Variants in PSMD7 observed in about 807,000 individuals in gnomAD.
The protein encoded by PSMD7 is 26S proteasome non-ATPase regulatory subunit 7.
In PSMD7, 13 loss-of-function variants were observed where a neutral mutation model predicts 36.4. That is an observed-to-expected ratio of 0.36 (90% CI 0.23 to 0.57). The LOEUF (loss-of-function observed/expected upper bound fraction) is 0.57. PSMD7 is among the 20% of genes least tolerant of loss of function. PSMD7 has a pLI of 0.83. For synonymous variants in PSMD7, 186 were observed against 151.0 expected, an observed-to-expected ratio of 1.23 and a Z score of -1.70; for missense variants, 298 against 393.6, an observed-to-expected ratio of 0.76 and a Z score of 2.06.
chr16:74,297,247 C>T (rs2034120662), intron 1 of PSMD7, among the ~76,000 whole-genome samples: 1 of 152,252 alleles, frequency 6.6e-6, no homozygotes, highest in South Asian at 2.1e-4. Context: ...GTTCCCTTTC[C>T]GAGTTCGTTT....
chr16:74,304,430 C>G (rs771431581), intron 6 of PSMD7, 36 bp downstream of exon 6: 17 of 1,562,024 alleles, frequency 1.1e-5, no homozygotes, highest in Non-Finnish European at 1.8e-6. Flanking sequence ...TCATTCACTG[C>G]CCGAGAGGTC....
In PSMD7 at chr16:74,296,827, C is replaced by G; in HGVS notation, c.-88C>G. ...GGCTGACGAACCGGAAGAAGAGGAA[C>G]TGGGCCTGAAAGGGTACCGGTGACC... On this transcript the variant is annotated 5_prime_UTR_variant, in exon 1 of 7. Coordinates refer to ENST00000219313, the MANE Select transcript of PSMD7 (RefSeq NM_002811.5). 2 of 1,404,764 alleles carry G rather than the reference C, an allele frequency of 1.4e-6. No individual in the cohort carries two copies. Among genetic ancestry groups the G allele is most frequent in the South Asian group, 1.2e-5 (1 of 82,870 alleles). The allele number at this position is 1,404,764 out of a possible 1,614,324, so 87.0% of individuals were successfully genotyped here.
chr16:74,305,869 C>T lies in PSMD7; in HGVS notation c.*136C>T. 9.6e-7 allele frequency: 1 copy of T among 1,042,320 alleles called. No individual in the cohort carries two copies. The allele number at this position is 1,042,320 out of a possible 1,614,324, so 64.6% of individuals were successfully genotyped here. On this transcript the variant is annotated 3_prime_UTR_variant, in exon 7 of 7. Coordinates refer to ENST00000219313, the MANE Select transcript of PSMD7 (RefSeq NM_002811.5). The stretch of plus-strand genomic sequence containing the variant: ...AACAAGAGCTCTCTGCCTCCGGTCA[C>T]TCTTGCTGTGGTGCTACGTGGAAGT...
Position 74,302,343 on chromosome 16 carries a change from G to A in PSMD7, c.438+51G>A, listed in dbSNP as rs377541249. The A allele has an allele frequency of 5.7e-6, 8 of 1,403,640 alleles. No individual in the cohort carries two copies. The African/African-American group carries it at 1.0e-4, about 18-fold the overall frequency. 86.9% of individuals were successfully genotyped at this position (1,403,640 alleles called of 1,614,324 possible). On this transcript the variant is annotated intron_variant, in intron 5 of 6. Transcript: ENST00000219313. ...GAGGTTAGACTGCTACTTATTGGGT[G>A]ATTAGCTTTTTTTTTTCAATTTTCA...
intron 5 of PSMD7, among the ~76,000 whole-genome samples, chr16:74,302,551 C>T (rs926841366): frequency 1.3e-5 from 2 of 152,090 alleles, no homozygotes; most frequent in African/African-American, 4.8e-5. Flanking sequence ...GAGTTGAAGA[C>T]CAGCCTGGGC....
Position 74,305,847 on chromosome 16 carries a change from A to G in PSMD7, c.*114A>G. The G allele has an allele frequency of 8.2e-7, 1 of 1,216,934 alleles. No individual in the cohort carries two copies. 75.4% of individuals were successfully genotyped at this position (1,216,934 alleles called of 1,614,324 possible). A position where few individuals can be genotyped will look rare whatever the true frequency, so the allele number is the denominator to read the frequency against. ...ATGCTTATTAGAAAGCTGACCCAAC[A>G]AGAGCTCTCTGCCTCCGGTCACTCT... On this transcript the variant is annotated 3_prime_UTR_variant, in exon 7 of 7. Coordinates refer to ENST00000219313, the MANE Select transcript of PSMD7 (RefSeq NM_002811.5).
intron 2 of PSMD7, among the ~76,000 whole-genome samples, chr16:74,300,682 T>A (rs1381249508): frequency 6.6e-6 from 1 of 152,256 alleles, no homozygotes; most frequent in East Asian, 1.9e-4. Flanking sequence ...GGATGACCTC[T>A]GGAGTAGAGA....
chr16:74,298,768 G>A (rs1003646215), intron 1 of PSMD7, among the ~76,000 whole-genome samples: 1 of 152,172 alleles, frequency 6.6e-6, no homozygotes, highest in Non-Finnish European at 1.5e-5. Flanking sequence ...CAGCTACTCG[G>A]GAGGCTGAAG....
Position 74,305,778 on chromosome 16 carries a change from C to G in PSMD7, c.*45C>G. The G allele has an allele frequency of 7.1e-7, 1 of 1,407,658 alleles. No individual in the cohort carries two copies. The highest frequency in any genetic ancestry group is 2.6e-5 in the East Asian group (1 of 39,212). The allele number at this position is 1,407,658 out of a possible 1,614,324, so 87.2% of individuals were successfully genotyped here. ...TTTTAATTTGTAAATTAAAATCTTA[C>G]AAACTAAATCAGTGTGCTGCTAGAG... On this transcript the variant is annotated 3_prime_UTR_variant, in exon 7 of 7. Transcript: ENST00000219313.
chr16:74,302,371 T>G, intron 5 of PSMD7, 79 bp downstream of exon 5: 1 of 1,167,804 alleles, frequency 8.6e-7, no homozygotes, highest in Non-Finnish European at 1.2e-6. Context: ...AATTTTCAGG[T>G]CAACAAATCC....
chr16:74,303,631 CCAAGAGACAAAA>C (rs2034173075), intron 5 of PSMD7, among the ~76,000 whole-genome samples: 1 of 151,890 alleles, frequency 6.6e-6, no homozygotes, highest in Non-Finnish European at 1.5e-5. Context: ...ATCGTTTGAT[CCAAGAGACAAAA>C]AAGGGCTAAA....
intron 2 of PSMD7, among the ~76,000 whole-genome samples, chr16:74,300,789 ATG>A: frequency 6.6e-6 from 1 of 152,308 alleles, no homozygotes; most frequent in African/African-American, 2.4e-5. Flanking sequence ...ACTGAAAAGC[ATG>A]TGTCTTTTTT....
intron 3 of PSMD7, 137 bp from the exon 4 acceptor site, chr16:74,301,418 T>G: frequency 1.5e-6 from 1 of 666,292 alleles, no homozygotes; most frequent in Middle Eastern, 3.8e-4. Flanking sequence ...CATTAGAGTT[T>G]TAGTACCACC....
At chr16:74,298,496 G>C (rs751411684) in intron 1 of PSMD7, among the ~76,000 whole-genome samples, 2 of 152,212 alleles carry the variant, frequency 1.3e-5, no homozygotes, top group Non-Finnish European at 2.9e-5. Context: ...CTACAGGAGA[G>C]GAATTACTAT....
At position 74,305,551 on chromosome 16, in the gene PSMD7, C is replaced by T; in HGVS notation, c.793C>T (p.Leu265=). The T allele has an allele frequency of 6.2e-7, 1 of 1,613,734 alleles. No individual in the cohort carries two copies. The highest frequency in any genetic ancestry group is 2.2e-5 in the East Asian group (1 of 44,874). Reference sequence around the variant, plus strand: ...GATGGTGGTAGTGTACTTGGCCTCGCTGATCCGTTCCGTGGTCGCCCTGCA... The same window carrying T: ...GATGGTGGTAGTGTACTTGGCCTCGTTGATCCGTTCCGTGGTCGCCCTGCA... ...DQMVVVYLAS[L]IRSVVALHNL... Residue 265 remains leucine, a synonymous_variant, in exon 7 of 7, where the codon CTG becomes TTG. Transcript: ENST00000219313.
At chr16:74,297,166 C>T (rs1306031279) in intron 1 of PSMD7, among the ~76,000 whole-genome samples, 178 bp downstream of exon 1, 1 of 152,262 alleles carries the variant, frequency 6.6e-6, no homozygotes, top group Non-Finnish European at 1.5e-5. Context: ...TCCAGCCTCC[C>T]GCCCCTGCCC....
intron 3 of PSMD7, 143 bp from the exon 4 acceptor site, chr16:74,301,412 A>C (rs1050431516): frequency 1.1e-5 from 7 of 650,730 alleles, no homozygotes; most frequent in Non-Finnish European, 1.6e-5. Flanking sequence ...GTCTTCCATT[A>C]GAGTTTTAGT....
intron 3 of PSMD7, 58 bp downstream of exon 3, chr16:74,301,202 C>A: frequency 8.7e-7 from 1 of 1,152,780 alleles, no homozygotes. Context: ...GTATGGGGGT[C>A]TTCTGTTCGC....
intron 1 of PSMD7, chr16:74,299,494 C>G (rs761820071): frequency 1.8e-5 from 8 of 444,526 alleles, no homozygotes; most frequent in Non-Finnish European, 3.2e-5. Flanking sequence ...GTCCCTGCAC[C>G]TCAGTCCCCC....
Sources: gnomAD v4.1 joint callset for allele counts (sites outside exome capture counted in the v4.1 genomes callset) on GRCh38, gnomAD v4.1.1 for gene constraint, MANE v1.5 for transcripts, NCBI Gene and HGNC (gene_info 2026-07-23, HGNC 2026-07-21) for gene names.